The following PRKAG2 variants were observed in gnomAD, a reference collection of about 807,000 sequenced individuals.
The protein encoded by PRKAG2 is 5'-AMP-activated protein kinase subunit gamma-2.
PRKAG2 carries 26 observed loss-of-function variants against 69.6 expected under a neutral mutation model. The ratio of observed to expected loss-of-function variants is 0.37; its 90% CI spans 0.27 to 0.52. The LOEUF (loss-of-function observed/expected upper bound fraction) is 0.52. PRKAG2 is among the 20% of genes least tolerant of loss of function. PRKAG2 has a pLI of 0.90. For synonymous variants in PRKAG2, 293 were observed against 285.0 expected (o/e 1.03, Z -0.28); for missense variants, 557 against 740.0 (o/e 0.75, Z 2.87).
intron 4 of PRKAG2, among the ~76,000 whole-genome samples, chr7:151,636,039 G>C (rs138765324): frequency 5.7e-4 from 86 of 150,976 alleles, no homozygotes; most frequent in African/African-American, 2.0e-3. Context: ...TTTTAGTAGA[G>C]ACTGGGTTTC....
chr7:151,606,337 C>T (rs1479632502), intron 5 of PRKAG2, among the ~76,000 whole-genome samples: 1 of 152,110 alleles, frequency 6.6e-6, no homozygotes, highest in African/African-American at 2.4e-5. Flanking sequence ...CGCTTTTCTA[C>T]TTTTAGTATA....
intron 1 of PRKAG2, among the ~76,000 whole-genome samples, chr7:151,816,421 C>T (rs1055637656): frequency 1.3e-5 from 2 of 152,072 alleles, no homozygotes; most frequent in Non-Finnish European, 2.9e-5. Context: ...TCTGTGTCAA[C>T]AACCCAGGTC....
intron 4 of PRKAG2, among the ~76,000 whole-genome samples, chr7:151,654,791 C>T (rs566856257): frequency 6.6e-6 from 1 of 152,204 alleles, no homozygotes. Flanking sequence ...CTCCTGGATT[C>T]GAGCTGTTCT....
At chr7:151,563,724 T>C (rs990359723) in intron 14 of PRKAG2, among the ~76,000 whole-genome samples, 2 of 152,284 alleles carry the variant, frequency 1.3e-5, no homozygotes, top group East Asian at 1.9e-4. Context: ...TGACTACAGG[T>C]CCAAGCCACC....
At chr7:151,826,751 T>A (rs931173811) in intron 1 of PRKAG2, among the ~76,000 whole-genome samples, 6 of 152,208 alleles carry the variant, frequency 3.9e-5, no homozygotes, top group African/African-American at 1.4e-4. Flanking sequence ...TCTCCATTTA[T>A]TTTTTTCCTT....
intron 5 of PRKAG2, among the ~76,000 whole-genome samples, chr7:151,615,025 A>G (rs1355386676): frequency 1.3e-5 from 2 of 149,340 alleles, no homozygotes; most frequent in African/African-American, 5.0e-5. Flanking sequence ...CCCGAGACAG[A>G]AGCCGTGTGG....
intron 3 of PRKAG2, among the ~76,000 whole-genome samples, chr7:151,713,899 A>G (rs1469190980): frequency 6.6e-6 from 1 of 152,172 alleles, no homozygotes; most frequent in East Asian, 1.9e-4. Context: ...TGTAGCTACC[A>G]TGACGTATGC....
At chr7:151,585,940 G>C (rs1252654827) in intron 6 of PRKAG2, among the ~76,000 whole-genome samples, 1 of 152,218 alleles carries the variant, frequency 6.6e-6, no homozygotes, top group Non-Finnish European at 1.5e-5. Flanking sequence ...CACTGATGCT[G>C]ATGCCAGTGG....
At chr7:151,860,517 T>C (rs1054052560) in intron 1 of PRKAG2, among the ~76,000 whole-genome samples, 4 of 151,848 alleles carry the variant, frequency 2.6e-5, no homozygotes, top group African/African-American at 4.8e-5. Flanking sequence ...TCATCTCCCA[T>C]TGGGAATGAA....
At chr7:151,685,650 C>T (rs2151508808) in intron 3 of PRKAG2, among the ~76,000 whole-genome samples, 1 of 152,014 alleles carries the variant, frequency 6.6e-6, no homozygotes, top group Non-Finnish European at 1.5e-5. Context: ...GTGCCCTTGG[C>T]CCCAGCTACT....
intron 5 of PRKAG2, chr7:151,631,530 C>T (rs1824405727): frequency 3.2e-6 from 1 of 312,148 alleles, no homozygotes; most frequent in South Asian, 2.4e-5. Context: ...AGAGGAGAGG[C>T]GACAGAAATG....
At chr7:151,795,908 G>A (rs1033366789) in intron 1 of PRKAG2, among the ~76,000 whole-genome samples, 116 of 113,276 alleles carry the variant, frequency 1.0e-3, no homozygotes, top group Middle Eastern at 0.01. Context: ...ATATGTATAT[G>A]TAATCATGTT....
intron 1 of PRKAG2, among the ~76,000 whole-genome samples, chr7:151,795,021 G>A (rs929408003): frequency 1.3e-5 from 2 of 152,206 alleles, no homozygotes; most frequent in African/African-American, 4.8e-5. Context: ...GGCTTGTGCT[G>A]TGGGATTCCT....
chr7:151,813,637 A>G (rs7455706), intron 1 of PRKAG2, among the ~76,000 whole-genome samples: 12,649 of 152,122 alleles, frequency 0.083, 1,220 homozygotes, highest in East Asian at 0.5. Flanking sequence ...CTCAACAGTC[A>G]GGGCTTCTGG....
chr7:151,807,494 A>G lies in PRKAG2; in HGVS notation c.115-20953T>C. ...CACCATGGCGTGTTACACCTATCAG[A>G]TCGGGCACACTGCCCCTTCTTCCCA... On this transcript the variant is annotated intron_variant, in intron 1 of 15. Coordinates refer to ENST00000287878, the MANE Select transcript of PRKAG2 (RefSeq NM_016203.4). The surrounding 1 kb of genome is among the most constrained non-coding windows in gnomAD (Gnocchi z 4.4). 2.2e-6 allele frequency: 1 copy of G among 457,880 alleles called. No individual in the cohort carries two copies. The highest frequency in any genetic ancestry group is 1.5e-5 in the South Asian group (1 of 64,572). 28.4% of individuals were successfully genotyped at this position (457,880 alleles called of 1,614,324 possible).
chr7:151,671,628 A>G (rs1832058017), intron 4 of PRKAG2, among the ~76,000 whole-genome samples: 1 of 152,258 alleles, frequency 6.6e-6, no homozygotes, highest in African/African-American at 2.4e-5. Context: ...AAAGAGGTTG[A>G]GGTTCTAAGC....
chr7:151,562,849 G>C (rs1396744305), intron 14 of PRKAG2, among the ~76,000 whole-genome samples: 1 of 151,584 alleles, frequency 6.6e-6, no homozygotes, highest in Middle Eastern at 3.2e-3. Context: ...CAGCTACTCG[G>C]GAGGCTGAGG....
At chr7:151,740,097 C>T (rs2073767052) in intron 3 of PRKAG2, among the ~76,000 whole-genome samples, 1 of 152,236 alleles carries the variant, frequency 6.6e-6, no homozygotes, top group South Asian at 2.1e-4. Context: ...AGGCACCGGA[C>T]AGTCACCCTG....
At chr7:151,847,933 G>A (rs1403738478) in intron 1 of PRKAG2, among the ~76,000 whole-genome samples, 1 of 152,194 alleles carries the variant, frequency 6.6e-6, no homozygotes, top group African/African-American at 2.4e-5. Context: ...AATCTTCCAT[G>A]GTGGGAACAT....
Sources: allele counts gnomAD v4.1 joint callset (sites outside exome capture counted in the v4.1 genomes callset), GRCh38; gene constraint gnomAD v4.1.1; non-coding constraint Gnocchi (gnomAD v3.1); transcripts MANE v1.5; gene names NCBI Gene and HGNC (gene_info 2026-07-23, HGNC 2026-07-21).